NRXN1: variants seen among roughly 807,000 people sequenced by gnomAD.
NRXN1 encodes the protein neurexin-1.
Under a neutral mutation model 150.9 loss-of-function variants are expected in NRXN1, and 39 were observed. The observed-to-expected ratio is 0.26, with a 90% CI of 0.20 to 0.34. NRXN1 has a LOEUF of 0.34. Ranked by LOEUF, NRXN1 falls within the 10% of genes least tolerant of loss-of-function variation. The probability of loss-of-function intolerance (pLI) is 1.00; values close to 1 mark genes in which losing one functional copy is unlikely to be tolerated. For synonymous variants in NRXN1, 924 were observed against 757.0 expected (o/e 1.22, Z -3.62); for missense variants, 1,815 against 1,949.9 (o/e 0.93, Z 1.30).
intron 17 of NRXN1, among the ~76,000 whole-genome samples, chr2:50,243,797 C>G (rs540787343): frequency 3.3e-5 from 5 of 151,718 alleles, no homozygotes; most frequent in Non-Finnish European, 4.4e-5. Flanking sequence ...GAAGAGTATT[C>G]CTCTTCAATA....
At chr2:50,360,758 C>G (rs2153009660) in intron 17 of NRXN1, among the ~76,000 whole-genome samples, 1 of 152,246 alleles carries the variant, frequency 6.6e-6, no homozygotes, top group East Asian at 1.9e-4. Context: ...CTGGAACAAG[C>G]AGACCTAATC....
intron 17 of NRXN1, among the ~76,000 whole-genome samples, chr2:50,408,719 C>T (rs1263845196): frequency 6.6e-6 from 1 of 152,022 alleles, no homozygotes; most frequent in Non-Finnish European, 1.5e-5. Flanking sequence ...CATTCTACAC[C>T]TGACTTCCAT....
intron 17 of NRXN1, among the ~76,000 whole-genome samples, chr2:50,455,821 C>T (rs7590358): frequency 0.075 from 11,388 of 152,064 alleles, 634 homozygotes; most frequent in African/African-American, 0.16. Flanking sequence ...AGATTTGACA[C>T]GGAATCATGG....
chr2:50,047,136 G>C (rs1691933597), intron 21 of NRXN1, among the ~76,000 whole-genome samples: 1 of 152,048 alleles, frequency 6.6e-6, no homozygotes, highest in Admixed American at 6.5e-5. Flanking sequence ...GAGAAAGCAG[G>C]AGGTGATGAG....
intron 17 of NRXN1, among the ~76,000 whole-genome samples, chr2:50,295,672 T>G (rs1574970722): frequency 6.6e-6 from 1 of 152,280 alleles, no homozygotes; most frequent in East Asian, 1.9e-4. Context: ...TCTGAACCAG[T>G]CTTTTGGGAC....
At chr2:50,781,295 T>C (rs1462195757) in intron 5 of NRXN1, among the ~76,000 whole-genome samples, 1 of 152,108 alleles carries the variant, frequency 6.6e-6, no homozygotes, top group Non-Finnish European at 1.5e-5. Context: ...CTGAAGAATA[T>C]ATGCATGGAG....
Position 50,533,257 on chromosome 2 carries a change from C to T in NRXN1, c.2144-1827G>A, listed in dbSNP as rs527768772. Among the ~76,000 whole-genome samples the T allele has an allele frequency of 5.1e-4, 77 of 152,200 alleles. No homozygotes were observed. In the Middle Eastern group the frequency reaches 0.017, roughly 34 times the overall value. On this transcript the variant is annotated intron_variant, in intron 10 of 22. Transcript: ENST00000401669. ...GCTCACTCCTCTAATATTTATTAAG[C>T]GTTCTGACTTCTCTCCTGAGCTGTA...
At chr2:50,289,912 T>C (rs1398203529) in intron 17 of NRXN1, among the ~76,000 whole-genome samples, 1 of 152,132 alleles carries the variant, frequency 6.6e-6, no homozygotes, top group Non-Finnish European at 1.5e-5. Context: ...TATTTAGAAT[T>C]CCAAACCTCA....
At chr2:50,899,980 A>G (rs1473888050) in intron 5 of NRXN1, among the ~76,000 whole-genome samples, 1 of 152,212 alleles carries the variant, frequency 6.6e-6, no homozygotes, top group Admixed American at 6.5e-5. Context: ...AAAATATGTA[A>G]TAACTGAAGA....
chr2:50,649,808 T>C (rs1559073379), intron 5 of NRXN1, among the ~76,000 whole-genome samples: 1 of 152,010 alleles, frequency 6.6e-6, no homozygotes, highest in East Asian at 1.9e-4. Context: ...TGGGACATGA[T>C]ACAGAGTTCA....
At chr2:50,443,042 C>A (rs942331673) in intron 17 of NRXN1, among the ~76,000 whole-genome samples, 3 of 152,072 alleles carry the variant, frequency 2.0e-5, no homozygotes, top group African/African-American at 4.8e-5. Context: ...ACGTGGGTGA[C>A]TAATTGACAT....
intron 17 of NRXN1, among the ~76,000 whole-genome samples, chr2:50,410,634 G>A (rs2104069077): frequency 6.6e-6 from 1 of 152,226 alleles, no homozygotes; most frequent in East Asian, 1.9e-4. Flanking sequence ...TTTAACTGCT[G>A]ACCTTTGCTA....
intron 18 of NRXN1, among the ~76,000 whole-genome samples, chr2:50,115,098 C>T (rs1405458194): frequency 1.3e-5 from 2 of 150,940 alleles, no homozygotes; most frequent in African/African-American, 4.9e-5. Context: ...GGAGACTGTG[C>T]ATGTGTAGGA....
At chr2:50,732,732 C>A (rs1698254324) in intron 5 of NRXN1, among the ~76,000 whole-genome samples, 1 of 152,100 alleles carries the variant, frequency 6.6e-6, no homozygotes, top group South Asian at 2.1e-4. Context: ...TTTTTGTAGA[C>A]CTTTGTTCCT....
At chr2:50,313,756 T>C (rs2152966838) in intron 17 of NRXN1, among the ~76,000 whole-genome samples, 1 of 152,154 alleles carries the variant, frequency 6.6e-6, no homozygotes, top group South Asian at 2.1e-4. Context: ...ATTGCTAGGA[T>C]ATTTAGTGTC....
chr2:50,146,216 C>G (rs1308540357), intron 18 of NRXN1, among the ~76,000 whole-genome samples: 1 of 151,562 alleles, frequency 6.6e-6, no homozygotes. Flanking sequence ...ATTTTCAAAA[C>G]TCCTAAATTG....
At chr2:50,401,371 T>C (rs1031513221) in intron 17 of NRXN1, among the ~76,000 whole-genome samples, 1 of 152,088 alleles carries the variant, frequency 6.6e-6, no homozygotes, top group Non-Finnish European at 1.5e-5. Context: ...TGCAGGACAG[T>C]CAGGAGATGT....
intron 8 of NRXN1, among the ~76,000 whole-genome samples, chr2:50,570,108 T>C (rs1283027419): frequency 1.3e-5 from 2 of 152,206 alleles, no homozygotes; most frequent in South Asian, 2.1e-4. Flanking sequence ...TACTGTAGAA[T>C]ATTTCTATTG....
chr2:50,049,633 C>G (rs945540495), intron 21 of NRXN1, among the ~76,000 whole-genome samples: 1 of 152,066 alleles, frequency 6.6e-6, no homozygotes, highest in Admixed American at 6.6e-5. Context: ...ATTCCAGAAA[C>G]GATGTCACAA....
Sources: gnomAD v4.1 joint callset for allele counts (sites outside exome capture counted in the v4.1 genomes callset) on GRCh38, gnomAD v4.1.1 for gene constraint, MANE v1.5 for transcripts, NCBI Gene and HGNC (gene_info 2026-07-23, HGNC 2026-07-21) for gene names.